Variants in COMMD6 observed in about 807,000 individuals in gnomAD.
COMMD6 encodes the protein COMM domain containing 6.
COMMD6 carries 11 observed loss-of-function variants against 13.4 expected under a neutral mutation model. The observed-to-expected ratio is 0.82, with a 90% CI of 0.52 to 1.36. COMMD6 has a LOEUF of 1.36. COMMD6 is among the 40% of genes most tolerant of loss of function. The pLI is 0.00. For synonymous variants in COMMD6, 43 were observed against 36.5 expected, an observed-to-expected ratio of 1.18 and a Z score of -0.64; for missense variants, 124 against 102.4, an observed-to-expected ratio of 1.21 and a Z score of -0.91.
At chr13:75,547,384 A>G (rs755484954) in intron 1 of COMMD6, among the ~76,000 whole-genome samples, 2 of 152,224 alleles carry the variant, frequency 1.3e-5, no homozygotes, top group African/African-American at 2.4e-5. Flanking sequence ...TTTGGGAATT[A>G]CCAATAAATT....
chr13:75,530,745 A>C (rs1231637284), intron 2 of COMMD6, among the ~76,000 whole-genome samples: 3 of 152,266 alleles, frequency 2.0e-5, no homozygotes, highest in Non-Finnish European at 4.4e-5. Context: ...CTGAATCAAC[A>C]TAACACTATA....
chr13:75,537,804 ATG>A lies in COMMD6; in HGVS notation c.-1_1del. On this transcript the variant is annotated start_lost and 5_prime_UTR_variant, in exon 1 of 4. Coordinates refer to ENST00000682242, the MANE Select transcript of COMMD6 (RefSeq NM_203495.4). ...CAGCGGCGGCTCGCTGGACGCCTCCATGGGCAGCGTCTGGGACTTGCGGCCCG... is the reference window on the plus strand; with the variant it reads ...CAGCGGCGGCTCGCTGGACGCCTCCAGGCAGCGTCTGGGACTTGCGGCCCG... The A allele has an allele frequency of 6.2e-7, 1 of 1,604,532 alleles. No individual in the cohort carries two copies. The highest frequency in any genetic ancestry group is 8.5e-7 in the Non-Finnish European group (1 of 1,173,730).
intron 3 of COMMD6, among the ~76,000 whole-genome samples, chr13:75,528,293 T>C (rs2030341697): frequency 1.3e-5 from 2 of 152,052 alleles, no homozygotes; most frequent in African/African-American, 4.8e-5. Context: ...CTGCACAGAA[T>C]AATAACAATT....
intron 3 of COMMD6, chr13:75,527,895 T>G (rs748350587): frequency 6.7e-7 from 1 of 1,482,320 alleles, no homozygotes; most frequent in African/African-American, 1.4e-5. Flanking sequence ...TACAAACTTT[T>G]GGTTACAAAA....
At chr13:75,529,380 G>C (rs1321265475) in intron 3 of COMMD6, among the ~76,000 whole-genome samples, 2 of 152,060 alleles carry the variant, frequency 1.3e-5, no homozygotes, top group Non-Finnish European at 2.9e-5. Flanking sequence ...AATTAGCCAG[G>C]CATGGTGGTG....
chr13:75,544,762 A>G (rs988048457), intron 1 of COMMD6, among the ~76,000 whole-genome samples: 51 of 151,734 alleles, frequency 3.4e-4, no homozygotes, highest in South Asian at 4.2e-4. Context: ...TTGTCTCAGA[A>G]ATAAAATAAA....
chr13:75,527,717 C>G lies in COMMD6; in HGVS notation c.208-1078G>C, dbSNP rs374330826. 9.8e-6 allele frequency: 12 copies of G among 1,221,538 alleles called. 1 individual carries two copies. Among genetic ancestry groups the G allele is most frequent in the African/African-American group, 7.8e-5 (5 of 64,256 alleles). The allele number at this position is 1,221,538 out of a possible 1,614,324, so 75.7% of individuals were successfully genotyped here. On this transcript the variant is annotated intron_variant, in intron 3 of 3. Coordinates refer to ENST00000682242, the MANE Select transcript of COMMD6 (RefSeq NM_203495.4). ...GCCATTTGCAACAACATGGATGAAC[C>G]TGGAGGACATTGTGCAAAGTGAAAT...
chr13:75,546,136 T>C (rs2030901691), intron 1 of COMMD6, among the ~76,000 whole-genome samples: 1 of 152,138 alleles, frequency 6.6e-6, no homozygotes. Context: ...TCCCCAAAAA[T>C]TGAAAAATAA....
chr13:75,526,702 T>A, intron 3 of COMMD6, 63 bp from the exon 4 acceptor site: 1 of 1,117,640 alleles, frequency 8.9e-7, no homozygotes. Flanking sequence ...GTAGTTATTT[T>A]AATTATATCT....
chr13:75,548,133 T>C (rs2030941670), intron 1 of COMMD6, among the ~76,000 whole-genome samples: 2 of 152,228 alleles, frequency 1.3e-5, no homozygotes, highest in South Asian at 4.1e-4. Context: ...ACAAGGCAAT[T>C]CCTTTGACAG....
chr13:75,548,291 C>A (rs1429685976), intron 1 of COMMD6, among the ~76,000 whole-genome samples: 1 of 152,202 alleles, frequency 6.6e-6, no homozygotes, highest in East Asian at 1.9e-4. Flanking sequence ...GTGAGTATAG[C>A]AGCAATCCAT....
At chr13:75,541,987 A>C (rs2030830712), upstream of COMMD6, among the ~76,000 whole-genome samples, 1 of 152,188 alleles carries the variant, frequency 6.6e-6, no homozygotes, top group African/African-American at 2.4e-5. Flanking sequence ...ATATTCAAGG[A>C]GGTAAAGGAA....
chr13:75,537,884 A>T, upstream of COMMD6: 1 of 1,453,796 alleles, frequency 6.9e-7, no homozygotes, highest in East Asian at 2.3e-5. Context: ...TCCTGCCCCT[A>T]GCGGCCTGGC....
upstream of COMMD6, among the ~76,000 whole-genome samples, chr13:75,539,225 T>TTAACAA (rs1566201243): frequency 6.6e-6 from 1 of 151,166 alleles, no homozygotes; most frequent in African/African-American, 2.4e-5. Flanking sequence ...AACCAAACAA[T>TTAACAA]TAACTTTTTT....
At chr13:75,542,608 C>G (rs1319975032), upstream of COMMD6, among the ~76,000 whole-genome samples, 23 of 152,180 alleles carry the variant, frequency 1.5e-4, no homozygotes, top group East Asian at 4.1e-3. Flanking sequence ...CTTTTTAACA[C>G]AAGTGACTCC....
chr13:75,536,561 G>A (rs1306627832), intron 2 of COMMD6, among the ~76,000 whole-genome samples: 1 of 152,120 alleles, frequency 6.6e-6, no homozygotes, highest in Non-Finnish European at 1.5e-5. Context: ...GAGGAAAAAG[G>A]GTCAGAGTCA....
upstream of COMMD6, among the ~76,000 whole-genome samples, chr13:75,539,969 CT>C (rs34796430): frequency 0.43 from 48,863 of 113,298 alleles, 9,126 homozygotes; most frequent in East Asian, 0.57. Context: ...GCAAGGAAAT[CT>C]TTTTTTTTTT....
At chr13:75,532,638 T>C (rs2030523681) in intron 2 of COMMD6, among the ~76,000 whole-genome samples, 1 of 152,150 alleles carries the variant, frequency 6.6e-6, no homozygotes, top group Non-Finnish European at 1.5e-5. Flanking sequence ...AGAATCATCC[T>C]GGCTAACACA....
In COMMD6 at chr13:75,525,635, T is replaced by TGCGGCAG. The variant is rs2030217526; in HGVS notation, c.*947_*953dup. The stretch of plus-strand genomic sequence containing the variant: ...TAGGAATCTGAGCGCACAGGTGGGC[T>TGCGGCAG]GCGGCAGGCAGCAGTCCTGGGCTCC... On this transcript the variant is annotated 3_prime_UTR_variant, in exon 4 of 4. Coordinates refer to ENST00000682242, the MANE Select transcript of COMMD6 (RefSeq NM_203495.4). The TGCGGCAG allele has an allele frequency of 6.6e-6, 1 of 152,304 alleles. No individual in the cohort carries two copies. Among genetic ancestry groups the TGCGGCAG allele is most frequent in the African/African-American group, 2.4e-5 (1 of 41,474 alleles). 9.4% of individuals were successfully genotyped at this position (152,304 alleles called of 1,614,324 possible).
Sources: gnomAD v4.1 joint callset for allele counts (sites outside exome capture counted in the v4.1 genomes callset) on GRCh38, gnomAD v4.1.1 for gene constraint, MANE v1.5 for transcripts, NCBI Gene and HGNC (gene_info 2026-07-23, HGNC 2026-07-21) for gene names.